Variants in MTUS2 observed in about 807,000 individuals in gnomAD.
The protein encoded by MTUS2 is microtubule-associated tumor suppressor candidate 2.
In MTUS2, 40 loss-of-function variants were observed where a neutral mutation model predicts 114.1. The observed-to-expected ratio is 0.35, with a 90% CI of 0.27 to 0.46. MTUS2 has a LOEUF of 0.46. MTUS2 is among the 20% of genes least tolerant of loss of function. The pLI is 1.00. For missense variants in MTUS2, 1,679 were observed against 1,705.4 expected (o/e 0.98, Z 0.27); for synonymous variants, 688 against 672.0 (o/e 1.02, Z -0.37).
chr13:29,174,673 C>T (rs907453401), intron 5 of MTUS2, among the ~76,000 whole-genome samples: 7 of 152,108 alleles, frequency 4.6e-5, no homozygotes, highest in South Asian at 2.1e-4. Flanking sequence ...GTAGTGGTTG[C>T]GGTTTTCTTA....
At chr13:29,247,507 T>G (rs953270514) in intron 5 of MTUS2, among the ~76,000 whole-genome samples, 3 of 152,158 alleles carry the variant, frequency 2.0e-5, no homozygotes, top group African/African-American at 7.2e-5. Flanking sequence ...AAACTATGCA[T>G]CTGATAAAGG....
intron 2 of MTUS2, among the ~76,000 whole-genome samples, chr13:28,905,190 T>G (rs1229340698): frequency 6.6e-6 from 1 of 151,628 alleles, no homozygotes; most frequent in Non-Finnish European, 1.5e-5. Flanking sequence ...TACAATCATG[T>G]CATCTGCAAA....
At chr13:28,987,365 G>C (rs1459982060) in intron 2 of MTUS2, among the ~76,000 whole-genome samples, 2 of 152,122 alleles carry the variant, frequency 1.3e-5, no homozygotes, top group Non-Finnish European at 2.9e-5. Flanking sequence ...GGCACCATGA[G>C]GTCATTGGTC....
In MTUS2 at chr13:28,879,242, A is replaced by G. The variant is rs1878140636; in HGVS notation, c.-243+39392A>G. On this transcript the variant is annotated intron_variant, in intron 2 of 15. Transcript: ENST00000612955. The stretch of plus-strand genomic sequence containing the variant: ...ACCTTTGTCAGATGGATAGATTGCA[A>G]AAATTTTCTTCCATTCTGTAGGTTG... Among the ~76,000 whole-genome samples, 5 of 152,168 alleles carry G rather than the reference A, an allele frequency of 3.3e-5. No individual in the cohort carries two copies. The South Asian group carries it at 1.0e-3, about 31-fold the overall frequency.
In MTUS2 at chr13:29,359,396, G is replaced by A. The variant is rs553192123; in HGVS notation, c.3040G>A (p.Val1014Ile). 7.3e-4 allele frequency: 1,172 copies of A among 1,613,686 alleles called. 12 individuals carry two copies. In the South Asian group the frequency reaches 0.012, roughly 16 times the overall value. ...RCEQQTRQLG[V>I]AQGELKRAIC... ...TGAGCAGCAGACCAGACAGCTGGGC[G>A]TTGCGCAAGGGGAGCTGAAGAGGGC... The change falls in exon 8 of 16, where the codon GTT becomes ATT. Residue 1014 changes from valine to isoleucine, a missense_variant. Val to Ile is a conservative substitution (Grantham distance 29, BLOSUM62 3). Around this residue, in one of 3 missense-constraint regions of MTUS2, gnomAD observed 822 missense variants for 899.7 expected, o/e 0.91. Coordinates refer to ENST00000612955, the MANE Select transcript of MTUS2 (RefSeq NM_001033602.4).
At chr13:29,086,746 A>C (rs1889709386) in intron 4 of MTUS2, among the ~76,000 whole-genome samples, 1 of 152,202 alleles carries the variant, frequency 6.6e-6, no homozygotes, top group South Asian at 2.1e-4. Flanking sequence ...GATTGTTTCT[A>C]TCCAAGAGCA....
chr13:28,929,015 A>G (rs1881474805), intron 2 of MTUS2, among the ~76,000 whole-genome samples: 1 of 152,234 alleles, frequency 6.6e-6, no homozygotes, highest in Admixed American at 6.5e-5. Context: ...ATTTGTAGCA[A>G]CATGGTTGGA....
intron 2 of MTUS2, among the ~76,000 whole-genome samples, chr13:29,012,649 G>A (rs898955264): frequency 1.2e-4 from 19 of 152,092 alleles, no homozygotes; most frequent in African/African-American, 4.1e-4. Flanking sequence ...CGAGGCGGGC[G>A]GATCACGAGG....
chr13:29,390,748 A>G (rs1308261042), intron 8 of MTUS2, among the ~76,000 whole-genome samples: 2 of 133,284 alleles, frequency 1.5e-5, no homozygotes, highest in African/African-American at 5.4e-5. Context: ...AGATAGTCCC[A>G]CCAAATGGTG....
At chr13:28,944,913 C>T (rs891853329) in intron 2 of MTUS2, among the ~76,000 whole-genome samples, 1 of 152,144 alleles carries the variant, frequency 6.6e-6, no homozygotes, top group Admixed American at 6.5e-5. Context: ...TCTTTTAGTG[C>T]AACCATCACC....
At chr13:29,190,548 T>C (rs938721760) in intron 5 of MTUS2, among the ~76,000 whole-genome samples, 1 of 152,200 alleles carries the variant, frequency 6.6e-6, no homozygotes, top group Non-Finnish European at 1.5e-5. Flanking sequence ...TTTGGCCTTG[T>C]GTGGCCTTGG....
chr13:29,435,209 A>G (rs1877319571), intron 8 of MTUS2, among the ~76,000 whole-genome samples: 1 of 152,222 alleles, frequency 6.6e-6, no homozygotes, highest in East Asian at 1.9e-4. Flanking sequence ...CTGTCATAGA[A>G]TAAACAGAAT....
chr13:29,420,409 C>T (rs1876002377), intron 8 of MTUS2, among the ~76,000 whole-genome samples: 1 of 152,026 alleles, frequency 6.6e-6, no homozygotes, highest in African/African-American at 2.4e-5. Flanking sequence ...TCCCAAGTAG[C>T]TGGGATTTCA....
chr13:28,876,705 C>T (rs1877954547), intron 2 of MTUS2, among the ~76,000 whole-genome samples: 1 of 152,116 alleles, frequency 6.6e-6, no homozygotes, highest in South Asian at 2.1e-4. Flanking sequence ...CGGTCAGACC[C>T]ACCCATGGAG....
intron 4 of MTUS2, among the ~76,000 whole-genome samples, chr13:29,038,601 G>A (rs958289987): frequency 1.3e-5 from 2 of 152,216 alleles, no homozygotes; most frequent in East Asian, 1.9e-4. Flanking sequence ...CTTCAGAGCC[G>A]ACAGGCAGGA....
At chr13:29,427,541 C>T (rs552564514) in intron 8 of MTUS2, among the ~76,000 whole-genome samples, 27 of 152,182 alleles carry the variant, frequency 1.8e-4, no homozygotes, top group Non-Finnish European at 2.8e-4. Flanking sequence ...AGTCGCCTTC[C>T]TGAAGGATTA....
intron 2 of MTUS2, among the ~76,000 whole-genome samples, chr13:29,008,308 A>G (rs2138411092): frequency 6.6e-6 from 1 of 152,336 alleles, no homozygotes. Flanking sequence ...CACTCAGAGA[A>G]GAGTTCCAAA....
intron 9 of MTUS2, chr13:29,476,729 C>A (rs2138873087): frequency 6.6e-6 from 1 of 152,330 alleles, no homozygotes; most frequent in Admixed American, 6.5e-5. Context: ...TGAAAGATAT[C>A]TTTTCCCTCC....
intron 5 of MTUS2, among the ~76,000 whole-genome samples, chr13:29,127,321 C>G (rs1238953536): frequency 6.6e-6 from 1 of 152,184 alleles, no homozygotes; most frequent in Non-Finnish European, 1.5e-5. Flanking sequence ...ATTCACTGGA[C>G]ACTCATTTAG....
Sources: gnomAD v4.1 joint callset for allele counts (sites outside exome capture counted in the v4.1 genomes callset) on GRCh38, gnomAD v4.1.1 for gene constraint, gnomAD v4.1.1 regional missense constraint, MANE v1.5 for transcripts, NCBI Gene and HGNC (gene_info 2026-07-23, HGNC 2026-07-21) for gene names.